Variants in PTPN23 observed in about 807,000 individuals in gnomAD.
PTPN23 encodes protein tyrosine phosphatase non-receptor type 23, also known as tyrosine-protein phosphatase non-receptor type 23.
In PTPN23, 72 loss-of-function variants were observed where a neutral mutation model predicts 156.3. That is an observed-to-expected ratio of 0.46 (90% CI 0.38 to 0.56). The LOEUF (loss-of-function observed/expected upper bound fraction) is 0.56. Ranked by LOEUF, PTPN23 falls within the 20% of genes least tolerant of loss-of-function variation. The pLI, the probability that PTPN23 is intolerant of heterozygous loss-of-function variation, is 0.00. For synonymous variants in PTPN23, 957 were observed against 899.6 expected (o/e 1.06, Z -1.14); for missense variants, 1,974 against 2,171.5 (o/e 0.91, Z 1.81).
At position 47,406,173 on chromosome 3, in the gene PTPN23, T is replaced by A; in HGVS notation, c.546+127T>A. ...AGCAAGGGGCCTTGGCTTTGTTGAA[T>A]CAGGAGCACCGTGGTGCTGCTTGGA... is the stretch of plus-strand genomic sequence containing the variant. On this transcript the variant is annotated intron_variant, in intron 6 of 24. Transcript: ENST00000265562. This position sits in a 1 kb window ranked among gnomAD's most constrained non-coding sequence, Gnocchi z 5.8. 6.7e-7 allele frequency: 1 copy of A among 1,494,934 alleles called. No individual in the cohort carries two copies. The highest frequency in any genetic ancestry group is 1.4e-5 in the African/African-American group (1 of 72,232). 92.6% of individuals were successfully genotyped at this position (1,494,934 alleles called of 1,614,324 possible). A position where few individuals can be genotyped will look rare whatever the true frequency, so the allele number is the denominator to read the frequency against.
chr3:47,385,548 G>C (rs996336586), intron 1 of PTPN23, among the ~76,000 whole-genome samples: 1 of 152,022 alleles, frequency 6.6e-6, no homozygotes, highest in Non-Finnish European at 1.5e-5. Flanking sequence ...ATGGTGGTGC[G>C]TGCCTTGTAG....
chr3:47,410,985 C>T lies in PTPN23; in HGVS notation c.3187C>T (p.Gln1063Ter). The change falls in exon 20 of 25, where the codon CAG (glutamine) becomes TAG (stop). Residue 1063 changes from glutamine (Q) to a stop codon, truncating the protein, a stop_gained. Transcript: ENST00000265562. LOFTEE classifies it high-confidence loss of function. Reference sequence around the variant, plus strand: ...CCCTTCTACCAGACCCATGGGCCCCCAGGCAGCCCCTCTTACCATTCGAGG... The same window carrying T: ...CCCTTCTACCAGACCCATGGGCCCCTAGGCAGCCCCTCTTACCATTCGAGG... Reference protein sequence around the residue: ...PAPSTRPMGPQAAPLTIRGPS... With the variant: ...PAPSTRPMGP 1 of 1,607,490 alleles carries T rather than the reference C, an allele frequency of 6.2e-7. No individual in the cohort carries two copies. Among genetic ancestry groups the T allele is most frequent in the South Asian group, 1.1e-5 (1 of 90,368 alleles).
chr3:47,398,245 G>A (rs1704920036), intron 2 of PTPN23, among the ~76,000 whole-genome samples: 1 of 152,180 alleles, frequency 6.6e-6, no homozygotes, highest in Non-Finnish European at 1.5e-5. Context: ...GTTGCAGTGA[G>A]CCAAGATCGC....
In PTPN23 at chr3:47,407,167, A is replaced by T. The variant is rs761475294; in HGVS notation, c.845A>T (p.Glu282Val). The T allele has an allele frequency of 6.2e-7, 1 of 1,614,010 alleles. No homozygotes were observed. Among genetic ancestry groups the T allele is most frequent in the African/African-American group, 1.3e-5 (1 of 74,994 alleles). ...YFQSALDKLN[E>V]AIKLAKGQPD... ...CAGAGCGCCCTGGACAAGCTCAATGAAGCCATCAAGTTGGCCAAGGTAAAG... is the reference window on the plus strand; with the variant it reads ...CAGAGCGCCCTGGACAAGCTCAATGTAGCCATCAAGTTGGCCAAGGTAAAG... Residue 282 changes from glutamate (E) to valine (V), a missense_variant, in exon 10 of 25, where the codon GAA becomes GTA. Glu to Val is a moderately radical substitution (Grantham distance 121). This residue lies in a region of PTPN23 where 726 missense variants were observed against 929.5 expected (regional missense o/e 0.78). Transcript: ENST00000265562. This position sits in a 1 kb window ranked among gnomAD's most constrained non-coding sequence, Gnocchi z 4.0.
Position 47,410,216 on chromosome 3 carries a change from G to T in PTPN23, c.2418G>T (p.Arg806Ser). The part of the protein sequence containing the change: ...YSGPTQLIQP[R>S]APGPHAMPVA... ...GCCCCACCCAGCTGATACAGCCCAG[G>T]GCCCCAGGGCCCCATGCAATGCCCG... Residue 806 changes from arginine (R) to serine (S), a missense_variant, in exon 20 of 25, where the codon AGG becomes AGT. Physicochemically the swap from Arg to Ser is moderately radical, Grantham distance 110. Transcript: ENST00000265562. 1 of 1,610,820 alleles carries T rather than the reference G, an allele frequency of 6.2e-7. No homozygotes were observed. Among genetic ancestry groups the T allele is most frequent in the South Asian group, 1.1e-5 (1 of 90,614 alleles).
At chr3:47,384,206 C>T (rs978964776) in intron 1 of PTPN23, among the ~76,000 whole-genome samples, 2 of 151,440 alleles carry the variant, frequency 1.3e-5, no homozygotes, top group African/African-American at 4.9e-5. Flanking sequence ...CGGTGGCTCA[C>T]GCCTGTAATC....
chr3:47,408,606 G>T (rs901977872), intron 15 of PTPN23, 116 bp downstream of exon 15: 2 of 1,462,752 alleles, frequency 1.4e-6, no homozygotes, highest in East Asian at 4.6e-5. Flanking sequence ...CCCTGGCTTG[G>T]GCATCCACAC....
At position 47,407,401 on chromosome 3, in the gene PTPN23, T is replaced by C; in HGVS notation, c.923+34T>C. ...GTGGGGGTGGCCCTGGTTCCCTCTT[T>C]TTGTGAAGGGTCTTGTCCCTCTGCT... is the stretch of plus-strand genomic sequence containing the variant. On this transcript the variant is annotated intron_variant, in intron 11 of 24. Coordinates refer to ENST00000265562, the MANE Select transcript of PTPN23 (RefSeq NM_015466.4). The surrounding 1 kb of genome is among the most constrained non-coding windows in gnomAD (Gnocchi z 4.0). The C allele has an allele frequency of 1.2e-6, 2 of 1,612,868 alleles. No individual in the cohort carries two copies. The highest frequency in any genetic ancestry group is 1.7e-6 in the Non-Finnish European group (2 of 1,179,168).
rs978880291 is a variant in PTPN23 at position 47,404,977 on chromosome 3, C to T, written c.288-28C>T. 16 of 1,613,490 alleles carry T rather than the reference C, an allele frequency of 9.9e-6. No individual in the cohort carries two copies. The East Asian group carries it at 1.3e-4, about 13-fold the overall frequency. On this transcript the variant is annotated intron_variant, in intron 3 of 24. Coordinates refer to ENST00000265562, the MANE Select transcript of PTPN23 (RefSeq NM_015466.4). ...CAGGGCCCTGGCTAGCTCCTGCCCT[C>T]GAGATAACTGGGGTGCCATGTCTGC...
In PTPN23 at chr3:47,413,035, C is replaced by T; in HGVS notation, c.4761C>T (p.Ala1587=). 2 of 1,612,968 alleles carry T rather than the reference C, an allele frequency of 1.2e-6. No individual in the cohort carries two copies. The highest frequency in any genetic ancestry group is 2.2e-5 in the East Asian group (1 of 44,882). ...LELLASLTPE[A]FSLDSSLRGK... ...TGCTGGCCTCCTTGACCCCAGAGGC[C>T]TTCTCCCTGGACAGCTCCCTGCGGG... The change falls in exon 25 of 25, where the codon GCC becomes GCT. Residue 1587 remains alanine (A), a synonymous_variant. Transcript: ENST00000265562.
intron 1 of PTPN23, among the ~76,000 whole-genome samples, chr3:47,394,593 C>T (rs1162078477): frequency 1.3e-5 from 2 of 152,170 alleles, no homozygotes; most frequent in Admixed American, 1.3e-4. Flanking sequence ...CCCACCTTGG[C>T]CACCCAAAGT....
Position 47,406,630 on chromosome 3 carries a change from C to T in PTPN23, c.759+18C>T. On this transcript the variant is annotated intron_variant, in intron 8 of 24. Transcript: ENST00000265562. This position sits in a 1 kb window ranked among gnomAD's most constrained non-coding sequence, Gnocchi z 5.8. ...TGGCTCATGTGAGGGCCTGGGGCCC[C>T]AGGGCGGGGCAGGGCGGGGCTGAGT... The T allele has an allele frequency of 6.2e-7, 1 of 1,613,634 alleles. No homozygotes were observed. The highest frequency in any genetic ancestry group is 8.5e-7 in the Non-Finnish European group (1 of 1,179,892).
intron 1 of PTPN23, among the ~76,000 whole-genome samples, chr3:47,382,435 C>T (rs543540966): frequency 1.3e-5 from 2 of 151,760 alleles, no homozygotes; most frequent in South Asian, 4.2e-4. Flanking sequence ...GATTCTCCTG[C>T]CTCAGCCTTC....
At position 47,404,699 on chromosome 3, in the gene PTPN23, C is replaced by G. The variant is rs749246789; in HGVS notation, c.207C>G (p.Arg69=). Residue 69 remains arginine, a synonymous_variant, in exon 3 of 25, where the codon CGC becomes CGG. Transcript: ENST00000265562. ...ACTTTGAGGGCTGTAGTGTCCTCCG[C>G]AAGTACCTCGGCCAGCTTCATTACC... The part of the protein sequence containing the change: ...PRDFEGCSVL[R]KYLGQLHYLQ... 6.2e-6 allele frequency: 10 copies of G among 1,614,000 alleles called. No homozygotes were observed. The South Asian group carries it at 1.1e-4, about 18-fold the overall frequency.
chr3:47,407,446 G>C lies in PTPN23; in HGVS notation c.924-59G>C. ...TCTGCTGGCATCTACATGGGAAGTA[G>C]GTTCTGGATCCCCACTGACACCCCG... On this transcript the variant is annotated intron_variant, in intron 11 of 24. Transcript: ENST00000265562. This position sits in a 1 kb window ranked among gnomAD's most constrained non-coding sequence, Gnocchi z 4.0. The C allele has an allele frequency of 3.7e-6, 6 of 1,608,536 alleles. No individual in the cohort carries two copies. Among genetic ancestry groups the C allele is most frequent in the Non-Finnish European group, 5.1e-6 (6 of 1,175,192 alleles).
chr3:47,406,922 C>T lies in PTPN23; in HGVS notation c.807+172C>T, dbSNP rs761507094. Among the ~76,000 whole-genome samples, 25 of 152,098 alleles carry T rather than the reference C, an allele frequency of 1.6e-4. No homozygotes were observed. Among genetic ancestry groups the T allele is most frequent in the Non-Finnish European group, 2.6e-4 (18 of 67,986 alleles). The stretch of plus-strand genomic sequence containing the variant: ...TCCCATCTGTGCAGCCCTCGTCCCT[C>T]GGGGTCTGAGGAGGTGGGGCAGGCT... On this transcript the variant is annotated intron_variant, in intron 9 of 24. Transcript: ENST00000265562. The surrounding 1 kb of genome is among the most constrained non-coding windows in gnomAD (Gnocchi z 5.8).
Position 47,411,200 on chromosome 3 carries a change from T to C in PTPN23, c.3402T>C (p.Pro1134=). The C allele has an allele frequency of 6.2e-7, 1 of 1,604,196 alleles. No homozygotes were observed. The highest frequency in any genetic ancestry group is 8.5e-7 in the Non-Finnish European group (1 of 1,177,978). The change falls in exon 20 of 25, where the codon CCT becomes CCC. Residue 1134 remains proline, a synonymous_variant. Coordinates refer to ENST00000265562, the MANE Select transcript of PTPN23 (RefSeq NM_015466.4). This position sits in a 1 kb window ranked among gnomAD's most constrained non-coding sequence, Gnocchi z 6.3. ...PESQHGGTQS[P]GGGQPLLQPT... is the part of the protein sequence containing the mutation. ...GCCAGCATGGCGGCACTCAGTCTCC[T>C]GGGGGTGGGCAGCCCCTGCTGCAGC...
At position 47,405,279 on chromosome 3, in the gene PTPN23, C is replaced by T. The variant is rs377670779; in HGVS notation, c.364+198C>T. 5 of 604,584 alleles carry T rather than the reference C, an allele frequency of 8.3e-6. No individual in the cohort carries two copies. Among genetic ancestry groups the T allele is most frequent in the South Asian group, 1.9e-5 (1 of 51,492 alleles). 37.5% of individuals were successfully genotyped at this position (604,584 alleles called of 1,614,324 possible). ...GGCCCGTGGGGAGCCTCTGCTGGGG[C>T]GAGGCTCTACTGGGCTGGCTGCCAC... On this transcript the variant is annotated intron_variant, in intron 4 of 24. Coordinates refer to ENST00000265562, the MANE Select transcript of PTPN23 (RefSeq NM_015466.4). This position sits in a 1 kb window ranked among gnomAD's most constrained non-coding sequence, Gnocchi z 4.7.
At position 47,409,544 on chromosome 3, in the gene PTPN23, G is replaced by A. The variant is rs1433772116; in HGVS notation, c.1925G>A (p.Arg642Gln). 2 of 1,613,782 alleles carry A rather than the reference G, an allele frequency of 1.2e-6. No homozygotes were observed. The highest frequency in any genetic ancestry group is 1.7e-6 in the Non-Finnish European group (2 of 1,179,840). The change falls in exon 18 of 25, where the codon CGG (arginine) becomes CAG (glutamine). Residue 642 changes from arginine (R) to glutamine (Q), a missense_variant. Transcript: ENST00000265562. The stretch of plus-strand genomic sequence containing the variant: ...AACGTGCAGTACGCAGCCGTGCGGC[G>A]GGTACTCAGCGACTTGGACCAAAAG... ...EANVQYAAVRRVLSDLDQKWN... is the reference protein window; with the variant it reads ...EANVQYAAVRQVLSDLDQKWN...
Sources: gnomAD v4.1 joint callset for allele counts (sites outside exome capture counted in the v4.1 genomes callset) on GRCh38, gnomAD v4.1.1 for gene constraint, gnomAD v4.1.1 regional missense constraint, Gnocchi (gnomAD v3.1) non-coding constraint, MANE v1.5 for transcripts, NCBI Gene and HGNC (gene_info 2026-07-23, HGNC 2026-07-21) for gene names.